SCN11A: variants seen among roughly 807,000 people sequenced by gnomAD.
The protein encoded by SCN11A is sodium channel protein type 11 subunit alpha.
A neutral mutation model predicts 162.2 loss-of-function variants in SCN11A; 122 were observed. The ratio of observed to expected loss-of-function variants is 0.75; its 90% CI spans 0.65 to 0.87. The LOEUF is 0.87. Ranked by LOEUF, SCN11A falls within the 40% of genes least tolerant of loss-of-function variation. The pLI is 0.00. For synonymous variants in SCN11A, 758 were observed against 751.5 expected (o/e 1.01, Z -0.14); for missense variants, 2,015 against 2,181.6 (o/e 0.92, Z 1.52).
chr3:39,008,757 C>T (rs1201375371), intron 2 of SCN11A, among the ~76,000 whole-genome samples: 1 of 151,998 alleles, frequency 6.6e-6, no homozygotes, highest in African/African-American at 2.4e-5. Context: ...GTGGCACGTG[C>T]CTGTAGTCCC....
At chr3:38,934,257 C>A (rs936347040) in intron 7 of SCN11A, among the ~76,000 whole-genome samples, 3 of 152,218 alleles carry the variant, frequency 2.0e-5, no homozygotes, top group African/African-American at 7.2e-5. Context: ...CCGATACCAG[C>A]CATTGCAAAA....
chr3:39,039,951 G>A (rs1019146581), intron 1 of SCN11A, among the ~76,000 whole-genome samples: 3 of 152,242 alleles, frequency 2.0e-5, no homozygotes, highest in Non-Finnish European at 4.4e-5. Flanking sequence ...GCCAAGGGCT[G>A]AGGACTGGTC....
At chr3:38,924,416 C>A (rs4676584) in intron 9 of SCN11A, among the ~76,000 whole-genome samples, 80,306 of 151,272 alleles carry the variant, frequency 0.53, 24,095 homozygotes, top group South Asian at 0.66. Context: ...TTTTGTTGCC[C>A]AGGCTGGAGT....
In SCN11A at chr3:38,931,807, G is replaced by A. The variant is rs201295032; in HGVS notation, c.489-4876C>T. The stretch of plus-strand genomic sequence containing the variant: ...AGCGGGAGTGATTTTTTGCCTCTGC[G>A]CCCAAGTCCCTCAAGCCTTAGAAAC... On this transcript the variant is annotated intron_variant, in intron 7 of 29. Transcript: ENST00000302328. Among the ~76,000 whole-genome samples, 27 of 152,232 alleles carry A rather than the reference G, an allele frequency of 1.8e-4. No homozygotes were observed. In the East Asian group the frequency reaches 4.4e-3, roughly 25 times the overall value.
intron 2 of SCN11A, among the ~76,000 whole-genome samples, chr3:39,006,144 A>T (rs996270624): frequency 6.6e-6 from 1 of 152,208 alleles, no homozygotes; most frequent in African/African-American, 2.4e-5. Context: ...ATTATGTAAT[A>T]CATGTTTTGT....
intron 2 of SCN11A, among the ~76,000 whole-genome samples, chr3:38,997,241 TCTTA>T (rs1032379456): frequency 3.3e-5 from 5 of 152,236 alleles, no homozygotes; most frequent in African/African-American, 1.2e-4. Context: ...TTTTGGTCTC[TCTTA>T]CTTACACTTA....
Position 38,910,126 on chromosome 3 carries a change from C to G in SCN11A, c.1041G>C (p.Trp347Cys). Residue 347 changes from tryptophan (W) to cysteine (C), a missense_variant, in exon 12 of 30, where the codon TGG becomes TGC. Transcript: ENST00000302328. ...YNYTNFDNFG[W>C]SFLAMFRLMT... is the part of the protein sequence containing the mutation. ...TCAGCCGGAACATGGCAAGAAAAGACCAGCCAAAGTTGTCAAAATTCGTAT... is the reference window on the plus strand; with the variant it reads ...TCAGCCGGAACATGGCAAGAAAAGAGCAGCCAAAGTTGTCAAAATTCGTAT... The G allele has an allele frequency of 6.2e-7, 1 of 1,613,846 alleles. No homozygotes were observed. Among genetic ancestry groups the G allele is most frequent in the Non-Finnish European group, 8.5e-7 (1 of 1,179,894 alleles).
chr3:38,937,113 C>A (rs1031426763), intron 7 of SCN11A, among the ~76,000 whole-genome samples: 5 of 152,040 alleles, frequency 3.3e-5, no homozygotes, highest in East Asian at 1.9e-4. Context: ...CAAAAACAAG[C>A]AATGGGGAAA....
chr3:39,043,645 A>C (rs2125617661), intron 1 of SCN11A, among the ~76,000 whole-genome samples: 1 of 151,624 alleles, frequency 6.6e-6, no homozygotes, highest in Admixed American at 6.6e-5. Context: ...TCATGGATAC[A>C]GAGAATAGAA....
At chr3:38,974,897 T>A (rs1407739661) in intron 2 of SCN11A, among the ~76,000 whole-genome samples, 1 of 151,364 alleles carries the variant, frequency 6.6e-6, no homozygotes, top group Admixed American at 6.6e-5. Flanking sequence ...AAATAATTTT[T>A]AAATCAATAA....
intron 9 of SCN11A, among the ~76,000 whole-genome samples, chr3:38,924,164 C>T (rs2125551331): frequency 6.6e-6 from 1 of 152,216 alleles, no homozygotes; most frequent in South Asian, 2.1e-4. Context: ...CTCCACACAA[C>T]AGCTCCCATT....
intron 3 of SCN11A, among the ~76,000 whole-genome samples, chr3:38,958,739 T>A (rs1442184713): frequency 6.6e-6 from 1 of 152,206 alleles, no homozygotes; most frequent in Non-Finnish European, 1.5e-5. Context: ...CTAAACCCTA[T>A]AACAAGAACA....
At chr3:39,047,448 C>T (rs756614813) in intron 1 of SCN11A, among the ~76,000 whole-genome samples, 3 of 152,022 alleles carry the variant, frequency 2.0e-5, no homozygotes, top group African/African-American at 7.2e-5. Flanking sequence ...AGGAGAAATG[C>T]TTCAGGACAT....
At chr3:38,900,820 T>C (rs2065687847) in intron 16 of SCN11A, among the ~76,000 whole-genome samples, 1 of 152,228 alleles carries the variant, frequency 6.6e-6, no homozygotes, top group East Asian at 1.9e-4. Flanking sequence ...CTGAATTTTG[T>C]ATTTTCCATG....
chr3:38,995,237 C>T (rs2030589207), intron 2 of SCN11A, among the ~76,000 whole-genome samples: 1 of 151,798 alleles, frequency 6.6e-6, no homozygotes, highest in Admixed American at 6.6e-5. Flanking sequence ...TCTCCTGCCT[C>T]AGCCTCCCGA....
At chr3:38,874,376 T>C (rs1274294925) in intron 23 of SCN11A, among the ~76,000 whole-genome samples, 5 of 152,208 alleles carry the variant, frequency 3.3e-5, no homozygotes, top group Non-Finnish European at 5.9e-5. Context: ...GGCAGGCAGA[T>C]AGCTTGAGCT....
chr3:39,033,343 C>T (rs1386458169), intron 1 of SCN11A, among the ~76,000 whole-genome samples: 1 of 151,258 alleles, frequency 6.6e-6, no homozygotes, highest in African/African-American at 2.4e-5. Flanking sequence ...GTTTATTAGA[C>T]ATGTGAGGTT....
At chr3:38,969,342 G>C (rs894952757) in intron 2 of SCN11A, among the ~76,000 whole-genome samples, 1 of 152,200 alleles carries the variant, frequency 6.6e-6, no homozygotes, top group Admixed American at 6.5e-5. Flanking sequence ...CCCTTACTGG[G>C]GAGGAAGGAG....
At chr3:39,051,655 G>C (rs1333457489) in intron 1 of SCN11A, among the ~76,000 whole-genome samples, 1 of 152,056 alleles carries the variant, frequency 6.6e-6, no homozygotes, top group Non-Finnish European at 1.5e-5. Context: ...GAAAGGTCAG[G>C]AGATGGTCCA....
Sources: allele counts gnomAD v4.1 joint callset (sites outside exome capture counted in the v4.1 genomes callset), GRCh38; gene constraint gnomAD v4.1.1; transcripts MANE v1.5; gene names NCBI Gene and HGNC (gene_info 2026-07-23, HGNC 2026-07-21).